CDH12: variants seen among roughly 807,000 people sequenced by gnomAD.
CDH12 encodes the protein cadherin-12.
Under a neutral mutation model 74.1 loss-of-function variants are expected in CDH12, and 41 were observed. The observed-to-expected ratio is 0.55, with a 90% CI of 0.43 to 0.72. The LOEUF (loss-of-function observed/expected upper bound fraction) is 0.72, where lower values mean the gene tolerates loss of function less well. Ranked by LOEUF, CDH12 falls within the 30% of genes least tolerant of loss-of-function variation. The pLI is 0.00. For missense variants in CDH12, 945 were observed against 977.2 expected (o/e 0.97, Z 0.44); for synonymous variants, 399 against 355.0 (o/e 1.12, Z -1.39).
intron 5 of CDH12, among the ~76,000 whole-genome samples, chr5:21,996,790 C>G (rs1364178670): frequency 2.0e-5 from 3 of 152,046 alleles, no homozygotes; most frequent in Non-Finnish European, 4.4e-5. Context: ...TGTGTTACCG[C>G]ATTTATATGA....
At chr5:22,673,976 A>G (rs1741034350) in intron 1 of CDH12, among the ~76,000 whole-genome samples, 1 of 152,202 alleles carries the variant, frequency 6.6e-6, no homozygotes, top group Non-Finnish European at 1.5e-5. Context: ...CAACACGTCT[A>G]GGTAACAGAT....
chr5:22,641,021 T>C (rs967584703), intron 1 of CDH12, among the ~76,000 whole-genome samples: 1 of 152,180 alleles, frequency 6.6e-6, no homozygotes, highest in African/African-American at 2.4e-5. Context: ...TCACCTGCTA[T>C]ATTAGTTAGG....
intron 4 of CDH12, among the ~76,000 whole-genome samples, chr5:22,191,419 C>T (rs1208681393): frequency 6.6e-6 from 1 of 152,128 alleles, no homozygotes; most frequent in African/African-American, 2.4e-5. Flanking sequence ...AGACTCTACA[C>T]TCTTAAATTA....
intron 11 of CDH12, among the ~76,000 whole-genome samples, chr5:21,769,221 A>G (rs1332703227): frequency 6.6e-6 from 1 of 152,202 alleles, no homozygotes; most frequent in Middle Eastern, 3.4e-3. Flanking sequence ...AAATATATAT[A>G]TATCTTCAAC....
At chr5:22,204,698 GTGCTGGAGGGT>G (rs1466672976) in intron 4 of CDH12, among the ~76,000 whole-genome samples, 1 of 152,148 alleles carries the variant, frequency 6.6e-6, no homozygotes, top group Non-Finnish European at 1.5e-5. Context: ...AACTAATGTG[GTGCTGGAGGGT>G]GTCAGGAATG....
chr5:22,068,995 G>A (rs1461929454), intron 5 of CDH12, among the ~76,000 whole-genome samples: 2 of 152,096 alleles, frequency 1.3e-5, no homozygotes, highest in Non-Finnish European at 2.9e-5. Context: ...CCTGGTGACA[G>A]GTTGATTACA....
intron 1 of CDH12, among the ~76,000 whole-genome samples, chr5:22,597,104 C>T (rs925274469): frequency 3.3e-5 from 5 of 152,054 alleles, no homozygotes; most frequent in African/African-American, 1.2e-4. Flanking sequence ...CTCTCTCCAC[C>T]CAATTAATCA....
At chr5:22,529,188 T>TATATAGAG (rs1395904979) in intron 1 of CDH12, among the ~76,000 whole-genome samples, 1 of 84,524 alleles carries the variant, frequency 1.2e-5, no homozygotes, top group Non-Finnish European at 2.4e-5. Flanking sequence ...TATATATATA[T>TATATAGAG]AGAGAGAGAG....
intron 3 of CDH12, among the ~76,000 whole-genome samples, chr5:22,379,059 A>G (rs2126374876): frequency 6.6e-6 from 1 of 152,298 alleles, no homozygotes; most frequent in African/African-American, 2.4e-5. Context: ...CTATATAGTA[A>G]CTGAGAAACA....
intron 2 of CDH12, among the ~76,000 whole-genome samples, chr5:22,464,992 C>T (rs774939988): frequency 8.2e-6 from 1 of 121,336 alleles, no homozygotes; most frequent in Non-Finnish European, 1.6e-5. Flanking sequence ...AAGAGTGAGA[C>T]TGTGTTAAAA....
intron 2 of CDH12, among the ~76,000 whole-genome samples, chr5:22,424,967 A>G (rs1473860099): frequency 6.6e-6 from 1 of 151,484 alleles, no homozygotes; most frequent in East Asian, 1.9e-4. Flanking sequence ...ATATAGTTAT[A>G]TCAAGAAAAT....
intron 1 of CDH12, among the ~76,000 whole-genome samples, chr5:22,697,535 G>T (rs1742439126): frequency 7.2e-6 from 1 of 138,702 alleles, no homozygotes; most frequent in Admixed American, 7.8e-5. Flanking sequence ...TAGCACCACT[G>T]CACTCCAGCG....
intron 1 of CDH12, among the ~76,000 whole-genome samples, chr5:22,847,793 T>C (rs1040330249): frequency 2.0e-5 from 3 of 152,214 alleles, no homozygotes; most frequent in African/African-American, 4.8e-5. Context: ...CCAGATATTA[T>C]AAACTTTCAT....
At chr5:22,496,837 C>T (rs1248732433) in intron 2 of CDH12, among the ~76,000 whole-genome samples, 1 of 152,096 alleles carries the variant, frequency 6.6e-6, no homozygotes, top group Non-Finnish European at 1.5e-5. Flanking sequence ...TTTCTTCATT[C>T]CTCTGATGTT....
chr5:22,542,256 C>T (rs1387559220), intron 1 of CDH12, among the ~76,000 whole-genome samples: 1 of 152,146 alleles, frequency 6.6e-6, no homozygotes, highest in Non-Finnish European at 1.5e-5. Context: ...CTTGCATAAA[C>T]TCCACCTAGC....
At chr5:22,230,993 T>C (rs1407104907) in intron 3 of CDH12, among the ~76,000 whole-genome samples, 2 of 152,200 alleles carry the variant, frequency 1.3e-5, no homozygotes, top group East Asian at 1.9e-4. Flanking sequence ...AATGCCATAT[T>C]CTTGTGACTT....
intron 1 of CDH12, among the ~76,000 whole-genome samples, chr5:22,832,218 C>T (rs1736647138): frequency 6.6e-6 from 1 of 152,126 alleles, no homozygotes; most frequent in Non-Finnish European, 1.5e-5. Flanking sequence ...CCTTCATATA[C>T]AGAATGGAAA....
intron 1 of CDH12, among the ~76,000 whole-genome samples, chr5:22,601,928 T>A (rs1736871434): frequency 6.6e-6 from 1 of 152,046 alleles, no homozygotes; most frequent in Non-Finnish European, 1.5e-5. Flanking sequence ...TAGATGGCAA[T>A]CATACAACAA....
chr5:22,833,672 C>T (rs1022415142), intron 1 of CDH12, among the ~76,000 whole-genome samples: 1 of 152,128 alleles, frequency 6.6e-6, no homozygotes, highest in Non-Finnish European at 1.5e-5. Context: ...TTGAAAAGCT[C>T]TCTGTCGGAA....
Sources: gnomAD v4.1 joint callset for allele counts (sites outside exome capture counted in the v4.1 genomes callset) on GRCh38, gnomAD v4.1.1 for gene constraint, MANE v1.5 for transcripts, NCBI Gene and HGNC (gene_info 2026-07-23, HGNC 2026-07-21) for gene names.